The following CCSER1 variants were observed in gnomAD, a reference collection of about 807,000 sequenced individuals.
CCSER1 encodes coiled-coil serine rich protein 1, also known as serine-rich coiled-coil domain-containing protein 1.
A neutral mutation model predicts 82.0 loss-of-function variants in CCSER1; 41 were observed. The ratio of observed to expected loss-of-function variants is 0.50; its 90% confidence interval spans 0.39 to 0.65. The LOEUF is 0.65. Among genes scored for constraint, CCSER1 ranks in the 30% least tolerant of loss-of-function variants. The pLI is 0.00. For missense variants in CCSER1, 1,119 were observed against 1,064.2 expected (o/e 1.05, Z -0.72); for synonymous variants, 414 against 383.9 (o/e 1.08, Z -0.92).
chr4:90,173,975 T>C (rs1482024023), intron 1 of CCSER1, among the ~76,000 whole-genome samples: 2 of 152,006 alleles, frequency 1.3e-5, no homozygotes, highest in African/African-American at 4.8e-5. Flanking sequence ...ATTCTCAGCC[T>C]ATTTTGTAGG....
At chr4:90,407,614 A>G (rs139287747) in intron 4 of CCSER1, among the ~76,000 whole-genome samples, 1,546 of 152,326 alleles carry the variant, frequency 0.01, 17 homozygotes, top group South Asian at 0.03. Flanking sequence ...AAATACTAGC[A>G]AACTAAATCC....
intron 10 of CCSER1, among the ~76,000 whole-genome samples, chr4:91,391,309 A>AT (rs1319035320): frequency 1.3e-5 from 2 of 151,810 alleles, no homozygotes; most frequent in Non-Finnish European, 2.9e-5. Context: ...TGTTATTTTT[A>AT]TTTTTTATTG....
intron 8 of CCSER1, 36 bp downstream of exon 8, chr4:90,815,881 T>A: frequency 7.0e-7 from 1 of 1,434,724 alleles, no homozygotes; most frequent in Non-Finnish European, 9.6e-7. Context: ...CGAGTGTACT[T>A]TACTTTCAAG....
intron 7 of CCSER1, among the ~76,000 whole-genome samples, chr4:90,728,658 G>C (rs1180788519): frequency 6.6e-6 from 1 of 152,076 alleles, no homozygotes; most frequent in African/African-American, 2.4e-5. Context: ...AATATAGGGA[G>C]ACCCCCTCCC....
intron 9 of CCSER1, among the ~76,000 whole-genome samples, chr4:90,927,686 C>T (rs1729233185): frequency 6.6e-6 from 1 of 151,940 alleles, no homozygotes; most frequent in Admixed American, 6.6e-5. Flanking sequence ...CTTTGAAAAA[C>T]TTTTCAATGC....
intron 4 of CCSER1, among the ~76,000 whole-genome samples, chr4:90,457,820 G>A (rs1762380368): frequency 6.6e-6 from 1 of 152,084 alleles, no homozygotes; most frequent in Non-Finnish European, 1.5e-5. Flanking sequence ...TCTTCACCAG[G>A]GACCCACCTC....
intron 5 of CCSER1, among the ~76,000 whole-genome samples, chr4:90,579,225 A>G (rs1430554768): frequency 6.6e-6 from 1 of 152,148 alleles, no homozygotes; most frequent in Non-Finnish European, 1.5e-5. Flanking sequence ...GAAATACTCC[A>G]ACTAATATTT....
chr4:91,113,657 G>A (rs531461446), intron 10 of CCSER1, among the ~76,000 whole-genome samples: 2 of 152,218 alleles, frequency 1.3e-5, no homozygotes, highest in East Asian at 3.9e-4. Context: ...CTATTATTGA[G>A]CTATCTAGGC....
At chr4:90,631,842 A>C (rs1274123645) in intron 6 of CCSER1, among the ~76,000 whole-genome samples, 1 of 152,168 alleles carries the variant, frequency 6.6e-6, no homozygotes, top group Non-Finnish European at 1.5e-5. Context: ...TTATACATAA[A>C]ATTATTAAAA....
intron 1 of CCSER1, among the ~76,000 whole-genome samples, chr4:90,135,596 C>T (rs958560516): frequency 2.0e-5 from 3 of 152,170 alleles, no homozygotes; most frequent in Non-Finnish European, 2.9e-5. Context: ...CATAGTTAGA[C>T]TGGTTAGACT....
chr4:91,135,978 G>C (rs559391903), intron 10 of CCSER1, among the ~76,000 whole-genome samples: 1 of 152,180 alleles, frequency 6.6e-6, no homozygotes, highest in South Asian at 2.1e-4. Flanking sequence ...ACATTATGTT[G>C]CCAGACATGA....
chr4:90,944,128 G>A (rs368123488), intron 9 of CCSER1, among the ~76,000 whole-genome samples: 4 of 151,404 alleles, frequency 2.6e-5, no homozygotes, highest in African/African-American at 9.7e-5. Flanking sequence ...AGCTACTCGG[G>A]AGGCTGAGGC....
chr4:91,037,512 G>T (rs1037336756), intron 9 of CCSER1, among the ~76,000 whole-genome samples: 1 of 152,070 alleles, frequency 6.6e-6, no homozygotes, highest in Non-Finnish European at 1.5e-5. Flanking sequence ...TTTTAATTGT[G>T]TTCCACTTTA....
chr4:90,877,282 A>G (rs1433021324), intron 8 of CCSER1, among the ~76,000 whole-genome samples: 2 of 152,082 alleles, frequency 1.3e-5, no homozygotes, highest in Non-Finnish European at 2.9e-5. Flanking sequence ...TGACCTCCTT[A>G]TCTTGTTTTT....
chr4:90,250,302 A>G (rs572714088), intron 1 of CCSER1, among the ~76,000 whole-genome samples: 1 of 152,058 alleles, frequency 6.6e-6, no homozygotes, highest in African/African-American at 2.4e-5. Flanking sequence ...GTTTTGTTTA[A>G]CTCAAAGTTG....
At chr4:90,164,019 G>A (rs1233322560) in intron 1 of CCSER1, among the ~76,000 whole-genome samples, 2 of 152,126 alleles carry the variant, frequency 1.3e-5, no homozygotes, top group African/African-American at 4.8e-5. Flanking sequence ...TTATAGCTGG[G>A]TGTTTGCTGC....
At chr4:91,173,077 T>C (rs1398761531) in intron 10 of CCSER1, among the ~76,000 whole-genome samples, 2 of 152,218 alleles carry the variant, frequency 1.3e-5, no homozygotes, top group Admixed American at 6.5e-5. Context: ...CTTTTGGCCC[T>C]GTTGATCATC....
intron 10 of CCSER1, among the ~76,000 whole-genome samples, chr4:91,116,053 T>C (rs1726563460): frequency 6.6e-6 from 1 of 151,904 alleles, no homozygotes; most frequent in African/African-American, 2.4e-5. Context: ...CTCCTTCCTG[T>C]GTCCAAGTGT....
At chr4:91,483,608 G>A (rs1044542861) in intron 10 of CCSER1, among the ~76,000 whole-genome samples, 3 of 151,812 alleles carry the variant, frequency 2.0e-5, no homozygotes, top group Non-Finnish European at 1.5e-5. Flanking sequence ...GCTAATTTTT[G>A]TATTTTTAAT....
Sources: allele counts gnomAD v4.1 joint callset (sites outside exome capture counted in the v4.1 genomes callset), GRCh38; gene constraint gnomAD v4.1.1; transcripts MANE v1.5; gene names NCBI Gene and HGNC (gene_info 2026-07-23, HGNC 2026-07-21).